The following DOCK8 variants were observed in gnomAD, a reference collection of about 807,000 sequenced individuals.
DOCK8 encodes the protein dedicator of cytokinesis protein 8.
DOCK8 carries 141 observed loss-of-function variants against 245.6 expected under a neutral mutation model. The ratio of observed to expected loss-of-function variants is 0.57; its 90% CI spans 0.50 to 0.66. The LOEUF (loss-of-function observed/expected upper bound fraction) is 0.66, where lower values mean the gene tolerates loss of function less well. Among genes scored for constraint, DOCK8 ranks in the 30% least tolerant of loss-of-function variants. The pLI is 0.00. For synonymous variants in DOCK8, 1,168 were observed against 970.2 expected, an observed-to-expected ratio of 1.20 and a Z score of -3.79; for missense variants, 2,965 against 2,603.4, an observed-to-expected ratio of 1.14 and a Z score of -3.02.
intron 23 of DOCK8, among the ~76,000 whole-genome samples, chr9:389,994 T>G (rs1421757415): frequency 6.6e-6 from 1 of 151,652 alleles, no homozygotes; most frequent in Non-Finnish European, 1.5e-5. Context: ...CATTCCAGCC[T>G]GGGCGACAGA....
At chr9:307,444 C>T (rs143294668) in intron 5 of DOCK8, among the ~76,000 whole-genome samples, 22 of 138,908 alleles carry the variant, frequency 1.6e-4, no homozygotes, top group African/African-American at 4.4e-4. Context: ...CTACAACCTC[C>T]GCCTCCCAAG....
chr9:236,111 A>C (rs1192915533), intron 1 of DOCK8, among the ~76,000 whole-genome samples: 1 of 152,114 alleles, frequency 6.6e-6, no homozygotes, highest in Non-Finnish European at 1.5e-5. Flanking sequence ...GCTTGGTGTC[A>C]TGGCCCCCAA....
chr9:333,356 C>A (rs1054316333), intron 10 of DOCK8, among the ~76,000 whole-genome samples: 3 of 152,172 alleles, frequency 2.0e-5, no homozygotes, highest in Non-Finnish European at 2.9e-5. Context: ...AATCCCAGCA[C>A]TTTGGGAGGC....
At chr9:306,884 G>T (rs1160417685) in intron 5 of DOCK8, among the ~76,000 whole-genome samples, 1 of 152,280 alleles carries the variant, frequency 6.6e-6, no homozygotes, top group Non-Finnish European at 1.5e-5. Context: ...CCCTGAGAAG[G>T]TACTGCCCAG....
intron 1 of DOCK8, chr9:215,771 T>C (rs1006867968): frequency 7.0e-5 from 14 of 200,494 alleles, no homozygotes; most frequent in Middle Eastern, 2.1e-3. Flanking sequence ...GCACATTTAC[T>C]GCTCAAAGTT....
In DOCK8 at chr9:400,890, C is replaced by G. The variant is rs1265016646; in HGVS notation, c.3234+1631C>G. On this transcript the variant is annotated intron_variant, in intron 26 of 47. Transcript: ENST00000432829. ...ACCATCACCACCACCTCCACCACCA[C>G]CACCTCCCCCACTACCAACAGCTCC... 2.9e-5 allele frequency among the ~76,000 whole-genome samples: 3 copies of G among 101,844 alleles called. No homozygotes were observed. The South Asian group carries it at 1.1e-3, about 37-fold the overall frequency. 66.8% of individuals were successfully genotyped at this position (101,844 alleles called of 152,430 possible). A position where few individuals can be genotyped will look rare whatever the true frequency, so the allele number is the denominator to read the frequency against.
intron 1 of DOCK8, among the ~76,000 whole-genome samples, chr9:255,548 G>T (rs1318481082): frequency 6.6e-6 from 1 of 151,422 alleles, no homozygotes; most frequent in African/African-American, 2.4e-5. Flanking sequence ...CTTGCCTGTT[G>T]TCCCAGCTAC....
At chr9:394,104 GTAAC>G (rs1253816134) in intron 24 of DOCK8, among the ~76,000 whole-genome samples, 1 of 152,154 alleles carries the variant, frequency 6.6e-6, no homozygotes, top group African/African-American at 2.4e-5. Flanking sequence ...GTGGAAGTGA[GTAAC>G]TACCTGGGCC....
intron 18 of DOCK8, among the ~76,000 whole-genome samples, chr9:374,138 T>A (rs1221139393): frequency 6.6e-6 from 1 of 152,208 alleles, no homozygotes; most frequent in Non-Finnish European, 1.5e-5. Context: ...CAAACTCAAT[T>A]CCTAAGTAAA....
chr9:344,714 T>C (rs1394632965), intron 14 of DOCK8, among the ~76,000 whole-genome samples: 2 of 152,194 alleles, frequency 1.3e-5, no homozygotes, highest in African/African-American at 4.8e-5. Flanking sequence ...TGCTATGGTA[T>C]TGATAACAGG....
Position 452,024 on chromosome 9 carries a change from T to C in DOCK8, c.5975T>C (p.Val1992Ala). The C allele has an allele frequency of 7.0e-6, 11 of 1,576,496 alleles. No homozygotes were observed. Among genetic ancestry groups the C allele is most frequent in the Non-Finnish European group, 9.5e-6 (11 of 1,158,918 alleles). The change falls in exon 46 of 48, where the codon GTA becomes GCA. Residue 1992 changes from valine to alanine, a missense_variant. Val to Ala is a moderately conservative substitution (Grantham distance 64, BLOSUM62 0). Coordinates refer to ENST00000432829, the MANE Select transcript of DOCK8 (RefSeq NM_203447.4). ...TTTTCCCACCAGGGACCACTGGAAGTAGCCCAAGTGTTTTTGGCTGAAATT... is the reference window on the plus strand; with the variant it reads ...TTTTCCCACCAGGGACCACTGGAAGCAGCCCAAGTGTTTTTGGCTGAAATT... ...GATVNQGPLE[V>A]AQVFLAEIPA...
Position 343,310 on chromosome 9 carries a change from T to C in DOCK8, c.1679+2989T>C, listed in dbSNP as rs968529715. 4.6e-5 allele frequency among the ~76,000 whole-genome samples: 7 copies of C among 151,914 alleles called. No individual in the cohort carries two copies. In the South Asian group the frequency reaches 1.0e-3, roughly 23 times the overall value. Reference sequence around the variant, plus strand: ...GAGTTTAAGATCAGCCCGGGCAACATAGTGAGACCCCCATCTCTACAAAAC... The same window carrying C: ...GAGTTTAAGATCAGCCCGGGCAACACAGTGAGACCCCCATCTCTACAAAAC... On this transcript the variant is annotated intron_variant, in intron 14 of 47. Transcript: ENST00000432829.
intron 8 of DOCK8, 129 bp downstream of exon 8, chr9:325,866 AG>A: frequency 1.2e-6 from 1 of 866,648 alleles, no homozygotes; most frequent in Non-Finnish European, 1.9e-6. Context: ...TGATGAGTCC[AG>A]TTCTGTTGCC....
intron 1 of DOCK8, chr9:215,699 G>C (rs145851473): frequency 0.015 from 5,025 of 327,026 alleles, 191 homozygotes; most frequent in Admixed American, 0.1. Context: ...AAAAGCTAAG[G>C]ACTGGGGGAT....
intron 14 of DOCK8, among the ~76,000 whole-genome samples, chr9:360,813 G>A (rs2131112069): frequency 6.6e-6 from 1 of 152,240 alleles, no homozygotes; most frequent in East Asian, 1.9e-4. Flanking sequence ...TAACTGGTAA[G>A]CAAATGGATT....
chr9:426,307 G>A (rs958963621), intron 33 of DOCK8, among the ~76,000 whole-genome samples: 3 of 152,170 alleles, frequency 2.0e-5, no homozygotes, highest in Non-Finnish European at 2.9e-5. Context: ...ATACAGTCTT[G>A]TTTCCCAATG....
intron 2 of DOCK8, chr9:273,028 G>A (rs1554650097): frequency 2.0e-6 from 2 of 985,056 alleles, no homozygotes; most frequent in Non-Finnish European, 2.4e-6. Flanking sequence ...GTAACCTTCC[G>A]CTCAGTTTCC....
intron 14 of DOCK8, among the ~76,000 whole-genome samples, chr9:348,254 T>C (rs771479279): frequency 1.3e-5 from 2 of 152,188 alleles, no homozygotes; most frequent in Non-Finnish European, 2.9e-5. Flanking sequence ...ATTTACACAT[T>C]CACCAATTTT....
At chr9:290,675 G>T (rs2049002192) in intron 4 of DOCK8, among the ~76,000 whole-genome samples, 1 of 152,126 alleles carries the variant, frequency 6.6e-6, no homozygotes, top group Non-Finnish European at 1.5e-5. Flanking sequence ...TGTACCTGTT[G>T]GGGAGTGAGA....
Sources: gnomAD v4.1 joint callset for allele counts (sites outside exome capture counted in the v4.1 genomes callset) on GRCh38, gnomAD v4.1.1 for gene constraint, MANE v1.5 for transcripts, NCBI Gene and HGNC (gene_info 2026-07-23, HGNC 2026-07-21) for gene names.